GRID1: variants seen among roughly 807,000 people sequenced by gnomAD.
GRID1 encodes glutamate receptor ionotropic, delta-1.
A neutral mutation model predicts 98.0 loss-of-function variants in GRID1; 28 were observed. The ratio of observed to expected loss-of-function variants is 0.29; its 90% CI spans 0.21 to 0.39. The LOEUF is 0.39. Ranked by LOEUF, GRID1 falls within the 10% of genes least tolerant of loss-of-function variation. The pLI is 1.00. For synonymous variants in GRID1, 553 were observed against 538.5 expected (o/e 1.03, Z -0.37); for missense variants, 1,111 against 1,340.5 (o/e 0.83, Z 2.67).
chr10:85,987,389 T>G (rs1265818893), intron 4 of GRID1, among the ~76,000 whole-genome samples: 1 of 94,378 alleles, frequency 1.1e-5, no homozygotes, highest in African/African-American at 4.2e-5. Flanking sequence ...AGCCTTACCT[T>G]CCCCCTAGCT....
chr10:85,782,824 C>A (rs1412888676), intron 8 of GRID1, among the ~76,000 whole-genome samples: 1 of 152,188 alleles, frequency 6.6e-6, no homozygotes, highest in Non-Finnish European at 1.5e-5. Flanking sequence ...GATTCAAGTA[C>A]AAATTAGTGT....
At chr10:85,963,462 C>T (rs752509408) in intron 4 of GRID1, among the ~76,000 whole-genome samples, 29 of 152,166 alleles carry the variant, frequency 1.9e-4, no homozygotes, top group Admixed American at 3.9e-4. Context: ...TTGCTCACTT[C>T]CATCTGAACA....
chr10:85,823,862 C>G (rs1255266335), intron 8 of GRID1, among the ~76,000 whole-genome samples: 1 of 150,932 alleles, frequency 6.6e-6, no homozygotes, highest in African/African-American at 2.4e-5. Context: ...AATTCCACAC[C>G]CAGTAAAAAT....
chr10:86,257,683 T>C (rs1240736080), intron 2 of GRID1, among the ~76,000 whole-genome samples: 2 of 152,124 alleles, frequency 1.3e-5, no homozygotes, highest in Admixed American at 1.3e-4. Flanking sequence ...GGGACAGTGA[T>C]ACTATGGGGA....
chr10:86,222,023 G>C (rs1241998424), intron 2 of GRID1, among the ~76,000 whole-genome samples: 1 of 152,160 alleles, frequency 6.6e-6, no homozygotes, highest in Non-Finnish European at 1.5e-5. Flanking sequence ...AGCATGGGGG[G>C]AAGAAGGGGA....
chr10:86,142,593 A>G (rs2131974601), intron 3 of GRID1, among the ~76,000 whole-genome samples: 1 of 152,360 alleles, frequency 6.6e-6, no homozygotes, highest in East Asian at 1.9e-4. Context: ...GAGACCTGTC[A>G]TTTACAAGCT....
chr10:86,330,099 A>G (rs1848116575), intron 2 of GRID1, among the ~76,000 whole-genome samples: 1 of 151,852 alleles, frequency 6.6e-6, no homozygotes, highest in African/African-American at 2.4e-5. Context: ...GGCCTGTATC[A>G]TGGACGAGAC....
At chr10:86,276,726 G>A (rs1033109974) in intron 2 of GRID1, among the ~76,000 whole-genome samples, 4 of 152,044 alleles carry the variant, frequency 2.6e-5, no homozygotes, top group Non-Finnish European at 5.9e-5. Flanking sequence ...CTGACCTCAA[G>A]TGTCCCACCT....
chr10:86,223,833 T>C (rs1031719048), intron 2 of GRID1, among the ~76,000 whole-genome samples: 2 of 151,890 alleles, frequency 1.3e-5, no homozygotes, highest in African/African-American at 2.4e-5. Flanking sequence ...CAGCAAGTGA[T>C]AGACCAAGGA....
intron 4 of GRID1, among the ~76,000 whole-genome samples, chr10:86,033,224 A>T (rs959791393): frequency 6.6e-6 from 1 of 152,068 alleles, no homozygotes; most frequent in African/African-American, 2.4e-5. Flanking sequence ...AGACAGATGT[A>T]ATTTCCAAGA....
intron 2 of GRID1, among the ~76,000 whole-genome samples, chr10:86,252,566 G>A (rs901688722): frequency 1.3e-5 from 2 of 152,248 alleles, no homozygotes; most frequent in African/African-American, 4.8e-5. Flanking sequence ...AATTCTGTAT[G>A]TCTCCAGGAA....
chr10:85,600,826 C>G lies in GRID1; in HGVS notation c.*1447G>C, dbSNP rs762688881. ...CTTAGAAAACTGGGCTTCCCTGCAG[C>G]TGTACCTGCACAGGGATAGGCCTGG... On this transcript the variant is annotated 3_prime_UTR_variant, in exon 16 of 16. Transcript: ENST00000327946. 3.9e-5 allele frequency: 6 copies of G among 152,224 alleles called. No homozygotes were observed. The highest frequency in any genetic ancestry group is 7.2e-5 in the African/African-American group (3 of 41,456). The allele number at this position is 152,224 out of a possible 1,614,324, so 9.4% of individuals were successfully genotyped here.
At chr10:86,205,519 G>A (rs1589410134) in intron 3 of GRID1, among the ~76,000 whole-genome samples, 1 of 152,322 alleles carries the variant, frequency 6.6e-6, no homozygotes, top group Middle Eastern at 3.4e-3. Context: ...AGGCCTACAG[G>A]CTGTATCAAA....
intron 3 of GRID1, among the ~76,000 whole-genome samples, chr10:86,162,385 A>G (rs1188812959): frequency 6.6e-6 from 1 of 152,060 alleles, no homozygotes; most frequent in Non-Finnish European, 1.5e-5. Flanking sequence ...AGAGCCATAC[A>G]TCCCCATCCC....
chr10:85,681,463 C>T (rs903035163), intron 12 of GRID1, among the ~76,000 whole-genome samples: 2 of 152,166 alleles, frequency 1.3e-5, no homozygotes, highest in Non-Finnish European at 2.9e-5. Flanking sequence ...TATTAATTCT[C>T]AAGGCTGGAG....
chr10:86,312,876 A>C (rs1847850653), intron 2 of GRID1, among the ~76,000 whole-genome samples: 1 of 152,234 alleles, frequency 6.6e-6, no homozygotes, highest in South Asian at 2.1e-4. Flanking sequence ...GAGGAGCAAC[A>C]GGACACCCAA....
chr10:85,796,386 A>G (rs1842526348), intron 8 of GRID1, among the ~76,000 whole-genome samples: 1 of 152,226 alleles, frequency 6.6e-6, no homozygotes, highest in Admixed American at 6.5e-5. Flanking sequence ...ACAAATTCTT[A>G]CAGAGAAAAA....
intron 12 of GRID1, among the ~76,000 whole-genome samples, chr10:85,706,281 A>G (rs556991031): frequency 6.6e-6 from 1 of 152,342 alleles, no homozygotes; most frequent in African/African-American, 2.4e-5. Flanking sequence ...ATACAAAATC[A>G]ATGTGCAAAA....
intron 15 of GRID1, among the ~76,000 whole-genome samples, chr10:85,610,303 T>C (rs1356864221): frequency 6.6e-6 from 1 of 152,232 alleles, no homozygotes; most frequent in African/African-American, 2.4e-5. Context: ...ATTCCCTGCA[T>C]GATAAAGTCA....
Sources: gnomAD v4.1 joint callset for allele counts (sites outside exome capture counted in the v4.1 genomes callset) on GRCh38, gnomAD v4.1.1 for gene constraint, MANE v1.5 for transcripts, NCBI Gene and HGNC (gene_info 2026-07-23, HGNC 2026-07-21) for gene names.